THUMPD2: variants seen among roughly 807,000 people sequenced by gnomAD.
The protein encoded by THUMPD2 is THUMP domain 2 tRNA and snRNA guanosine methyltransferase.
THUMPD2 carries 56 observed loss-of-function variants against 49.4 expected under a neutral mutation model. That is an observed-to-expected ratio of 1.13 (90% confidence interval 0.91 to 1.41). THUMPD2 has a LOEUF of 1.41. Among genes scored for constraint, THUMPD2 ranks in the 40% most tolerant of loss-of-function variants. The pLI is 0.00. For missense variants in THUMPD2, 709 were observed against 594.5 expected (o/e 1.19, Z -2.00); for synonymous variants, 237 against 205.2 (o/e 1.15, Z -1.32).
At chr2:39,745,511 A>G (rs1231158186) in intron 8 of THUMPD2, among the ~76,000 whole-genome samples, 1 of 152,200 alleles carries the variant, frequency 6.6e-6, no homozygotes, top group Admixed American at 6.5e-5. Flanking sequence ...ATCCATTTAC[A>G]AAATGACTAA....
intron 2 of THUMPD2, 131 bp downstream of exon 2, chr2:39,771,374 A>T (rs1488392520): frequency 1.0e-6 from 1 of 993,034 alleles, no homozygotes; most frequent in Non-Finnish European, 1.4e-6. Context: ...ATACAGAAAA[A>T]TACATAATTA....
chr2:39,752,359 C>A (rs958293409), intron 8 of THUMPD2, among the ~76,000 whole-genome samples: 1 of 152,186 alleles, frequency 6.6e-6, no homozygotes. Flanking sequence ...AGGATTTATA[C>A]TTGGTGTGAC....
Position 39,736,171 on chromosome 2 carries a change from A to G in THUMPD2, c.*564T>C, listed in dbSNP as rs1646509345. 6.6e-6 allele frequency: 1 copy of G among 152,276 alleles called. No homozygotes were observed. The highest frequency in any genetic ancestry group is 1.5e-5 in the Non-Finnish European group (1 of 68,082). The allele number at this position is 152,276 out of a possible 1,614,324, so 9.4% of individuals were successfully genotyped here. A position where few individuals can be genotyped will look rare whatever the true frequency, so the allele number is the denominator to read the frequency against. ...AGTGTATGAATGCTTTTAGAAAAAA[A>G]GCAAATTTCATTTTCCATCATGTTT... On this transcript the variant is annotated 3_prime_UTR_variant, in exon 10 of 10. Transcript: ENST00000505747.
At chr2:39,778,747 G>C (rs1572905705) in intron 1 of THUMPD2, among the ~76,000 whole-genome samples, 2 of 152,296 alleles carry the variant, frequency 1.3e-5, no homozygotes, top group African/African-American at 4.8e-5. Flanking sequence ...CAAAAAGTCA[G>C]GTAACTGAAC....
intron 1 of THUMPD2, among the ~76,000 whole-genome samples, chr2:39,776,407 T>C (rs1679100510): frequency 6.6e-6 from 1 of 151,606 alleles, no homozygotes; most frequent in Non-Finnish European, 1.5e-5. Flanking sequence ...TTTTTTTTTT[T>C]TTTTGAGATG....
chr2:39,769,828 T>C lies in THUMPD2; in HGVS notation c.554A>G (p.Gln185Arg). The change falls in exon 3 of 10, where the codon CAA becomes CGA. Residue 185 changes from glutamine (Q) to arginine (R), a missense_variant. Physicochemically the swap from Gln to Arg is conservative, Grantham distance 43 (BLOSUM62 1). Transcript: ENST00000505747. The stretch of plus-strand genomic sequence containing the variant: ...TATGTCATTCTGAAATTCTTCTTCT[T>C]GAAACTTTTCGCTTTTAGTGGTAAA... ...RDFTTKSEKFQEEEFQNDIEK... is the reference protein window; with the variant it reads ...RDFTTKSEKFREEEFQNDIEK... 4 of 1,611,682 alleles carry C rather than the reference T, an allele frequency of 2.5e-6. No homozygotes were observed. The highest frequency in any genetic ancestry group is 3.4e-6 in the Non-Finnish European group (4 of 1,179,462).
At chr2:39,762,178 T>C (rs770709064) in intron 5 of THUMPD2, among the ~76,000 whole-genome samples, 4 of 152,176 alleles carry the variant, frequency 2.6e-5, no homozygotes, top group Non-Finnish European at 5.9e-5. Flanking sequence ...CTACAATTTG[T>C]TGGTAAGGTA....
chr2:39,778,086 C>T lies in THUMPD2; in HGVS notation c.126+1028G>A, dbSNP rs184722262. ...TAGTTGCATGACTTGAATAAATTCT[C>T]GGACTTACCTGTGCTTCATTTTTCT... On this transcript the variant is annotated intron_variant, in intron 1 of 9. Coordinates refer to ENST00000505747, the MANE Select transcript of THUMPD2 (RefSeq NM_025264.5). Among the ~76,000 whole-genome samples the T allele has an allele frequency of 3.5e-3, 539 of 152,288 alleles. 3 individuals carry two copies. Among genetic ancestry groups the T allele is most frequent in the African/African-American group, 0.012 (500 of 41,548 alleles).
At chr2:39,776,019 C>T (rs974085010) in intron 1 of THUMPD2, among the ~76,000 whole-genome samples, 4 of 152,140 alleles carry the variant, frequency 2.6e-5, no homozygotes, top group Non-Finnish European at 5.9e-5. Context: ...TGACAGGACT[C>T]TTCTGGTGAA....
chr2:39,755,160 A>G lies in THUMPD2; in HGVS notation c.1078+135T>C, dbSNP rs1378388316. 5.9e-6 allele frequency: 3 copies of G among 510,776 alleles called. No individual in the cohort carries two copies. In the Admixed American group the frequency reaches 1.2e-4, roughly 21 times the overall value. The allele number at this position is 510,776 out of a possible 1,614,324, so 31.6% of individuals were successfully genotyped here. On this transcript the variant is annotated intron_variant, in intron 8 of 9. Transcript: ENST00000505747. ...ATAAAAAGGTTAGACTATTAGAAGT[A>G]AACTGAGTATTAGTCCCACAGATAT...
Position 39,779,254 on chromosome 2 carries a change from G to C in THUMPD2, c.-15C>G, listed in dbSNP as rs1485459502. The C allele has an allele frequency of 6.8e-7, 1 of 1,476,612 alleles. No individual in the cohort carries two copies. The highest frequency in any genetic ancestry group is 1.5e-5 in the African/African-American group (1 of 67,726). 91.5% of individuals were successfully genotyped at this position (1,476,612 alleles called of 1,614,324 possible). A position where few individuals can be genotyped will look rare whatever the true frequency, so the allele number is the denominator to read the frequency against. Reference sequence around the variant, plus strand: ...GCCTCCGACATGGCGGCTCAGGCGCGCCCTCGCGCCTTCGGGTCACGTGGC... The same window carrying C: ...GCCTCCGACATGGCGGCTCAGGCGCCCCCTCGCGCCTTCGGGTCACGTGGC... On this transcript the variant is annotated 5_prime_UTR_variant, in exon 1 of 10. Coordinates refer to ENST00000505747, the MANE Select transcript of THUMPD2 (RefSeq NM_025264.5).
intron 6 of THUMPD2, 144 bp downstream of exon 6, chr2:39,761,187 T>C: frequency 1.5e-6 from 1 of 681,538 alleles, no homozygotes; most frequent in Non-Finnish European, 2.4e-6. Context: ...AGTTTGTAAG[T>C]ACAATGGCAA....
chr2:39,748,129 G>T (rs1425215653), intron 8 of THUMPD2, among the ~76,000 whole-genome samples: 2 of 152,178 alleles, frequency 1.3e-5, no homozygotes, highest in Non-Finnish European at 2.9e-5. Context: ...AAATTCAAAA[G>T]CTAATGTATT....
chr2:39,744,416 A>G lies in THUMPD2; in HGVS notation c.1141T>C (p.Phe381Leu). ...IISDIPFGKK[F>L]KLGKDIKSIL... is the part of the protein sequence containing the mutation. ...CTTTTGATGTCTTTTCCTAACTTAA[A>G]CTTTTTCCCAAATGGAATGTCAGAA... The change falls in exon 9 of 10, where the codon TTT becomes CTT. Residue 381 changes from phenylalanine to leucine, a missense_variant. Coordinates refer to ENST00000505747, the MANE Select transcript of THUMPD2 (RefSeq NM_025264.5). The G allele has an allele frequency of 6.3e-7, 1 of 1,590,260 alleles. No individual in the cohort carries two copies.
intron 3 of THUMPD2, chr2:39,768,875 T>G (rs921426282): frequency 1.1e-5 from 14 of 1,291,830 alleles, no homozygotes; most frequent in Non-Finnish European, 1.3e-5. Context: ...GTTTAAAAAT[T>G]ATCAGATTAG....
At chr2:39,744,045 T>G (rs1674259341) in intron 9 of THUMPD2, among the ~76,000 whole-genome samples, 1 of 148,864 alleles carries the variant, frequency 6.7e-6, no homozygotes. Flanking sequence ...AAGGCAGGTT[T>G]TTTTTTTTTT....
chr2:39,766,459 C>A (rs1009026466), intron 4 of THUMPD2, among the ~76,000 whole-genome samples: 1 of 152,154 alleles, frequency 6.6e-6, no homozygotes, highest in African/African-American at 2.4e-5. Flanking sequence ...AATCCACCCT[C>A]ATTTTAACCT....
chr2:39,778,653 T>C (rs1380260136), intron 1 of THUMPD2, among the ~76,000 whole-genome samples: 5 of 152,346 alleles, frequency 3.3e-5, no homozygotes, highest in Non-Finnish European at 7.4e-5. Context: ...TACTGCGTGT[T>C]TAAAGTGTAC....
intron 1 of THUMPD2, among the ~76,000 whole-genome samples, chr2:39,778,873 C>T (rs903251871): frequency 1.3e-5 from 2 of 152,228 alleles, no homozygotes; most frequent in Non-Finnish European, 2.9e-5. Flanking sequence ...GCCTCAACAC[C>T]TCTCTTAAAA....
Sources: allele counts gnomAD v4.1 joint callset (sites outside exome capture counted in the v4.1 genomes callset), GRCh38; gene constraint gnomAD v4.1.1; transcripts MANE v1.5; gene names NCBI Gene and HGNC (gene_info 2026-07-23, HGNC 2026-07-21).